ADAMTS6: variants seen among roughly 807,000 people sequenced by gnomAD.
The protein encoded by ADAMTS6 is A disintegrin and metalloproteinase with thrombospondin motifs 6.
In ADAMTS6, 23 loss-of-function variants were observed where a neutral mutation model predicts 144.3. That is an observed-to-expected ratio of 0.16 (90% confidence interval 0.11 to 0.23). ADAMTS6 has a LOEUF of 0.23. Among genes scored for constraint, ADAMTS6 ranks in the 10% least tolerant of loss-of-function variants. The probability of loss-of-function intolerance (pLI) is 1.00; values close to 1 mark genes in which losing one functional copy is unlikely to be tolerated. For missense variants in ADAMTS6, 999 were observed against 1,379.6 expected (o/e 0.72, Z 4.37); for synonymous variants, 444 against 457.5 (o/e 0.97, Z 0.38).
chr5:65,329,511 G>A, intron 8 of ADAMTS6, 28 bp from the exon 9 acceptor site: 6 of 1,581,624 alleles, frequency 3.8e-6, no homozygotes, highest in Non-Finnish European at 5.2e-6. Context: ...GACACAAAGG[G>A]TCAAGCCAAG....
chr5:65,170,279 T>C (rs1442465200), intron 24 of ADAMTS6, among the ~76,000 whole-genome samples: 1 of 152,210 alleles, frequency 6.6e-6, no homozygotes, highest in Non-Finnish European at 1.5e-5. Context: ...AAGTTTGCAC[T>C]TCAAGAGTAG....
At chr5:65,439,925 C>T (rs1334167513) in intron 7 of ADAMTS6, among the ~76,000 whole-genome samples, 2 of 152,156 alleles carry the variant, frequency 1.3e-5, no homozygotes, top group African/African-American at 4.8e-5. Flanking sequence ...GTGCTTCAGT[C>T]TCCCAAGTAG....
At chr5:65,329,235 A>G (rs1746472272) in intron 9 of ADAMTS6, 143 bp downstream of exon 9, 1 of 686,392 alleles carries the variant, frequency 1.5e-6, no homozygotes, top group Non-Finnish European at 2.5e-6. Flanking sequence ...ATTTATCCCA[A>G]TACCCACAAT....
intron 9 of ADAMTS6, among the ~76,000 whole-genome samples, chr5:65,328,843 C>A (rs918821587): frequency 6.6e-6 from 1 of 151,614 alleles, no homozygotes; most frequent in Non-Finnish European, 1.5e-5. Flanking sequence ...ACATTAAAAC[C>A]TTCAGGTCCT....
chr5:65,360,741 T>C (rs537854522), intron 7 of ADAMTS6, among the ~76,000 whole-genome samples: 7 of 152,322 alleles, frequency 4.6e-5, no homozygotes, highest in African/African-American at 1.7e-4. Flanking sequence ...TACAAAGCAA[T>C]GTGATCTGAT....
chr5:65,226,334 C>A (rs1757722485), intron 15 of ADAMTS6, 115 bp from the exon 16 acceptor site: 15 of 1,074,824 alleles, frequency 1.4e-5, no homozygotes, highest in Non-Finnish European at 1.9e-5. Context: ...TGCTTATATG[C>A]CTGATTGTGT....
chr5:65,451,368 G>T, intron 7 of ADAMTS6, 107 bp downstream of exon 7: 1 of 1,204,174 alleles, frequency 8.3e-7, no homozygotes, highest in Non-Finnish European at 1.2e-6. Context: ...TTACCATTTT[G>T]CTTTCTCTAT....
intron 7 of ADAMTS6, among the ~76,000 whole-genome samples, chr5:65,402,856 G>A (rs1754052186): frequency 6.6e-6 from 1 of 152,078 alleles, no homozygotes; most frequent in Non-Finnish European, 1.5e-5. Context: ...AAGATGAAAT[G>A]AAAAAACTTC....
At chr5:65,327,946 A>G (rs1392027793) in intron 9 of ADAMTS6, among the ~76,000 whole-genome samples, 1 of 152,178 alleles carries the variant, frequency 6.6e-6, no homozygotes, top group South Asian at 2.1e-4. Flanking sequence ...GTTTGATTGC[A>G]TAAGAGTATG....
chr5:65,374,434 C>G (rs1337698892), intron 7 of ADAMTS6, among the ~76,000 whole-genome samples: 1 of 148,298 alleles, frequency 6.7e-6, no homozygotes, highest in Admixed American at 6.7e-5. Flanking sequence ...AATCAATGTA[C>G]AAAAATCACA....
chr5:65,199,952 A>T (rs762350689), intron 20 of ADAMTS6, among the ~76,000 whole-genome samples: 9 of 152,172 alleles, frequency 5.9e-5, no homozygotes, highest in African/African-American at 2.2e-4. Flanking sequence ...TTTTTTATGA[A>T]GTAAAAATTA....
intron 22 of ADAMTS6, among the ~76,000 whole-genome samples, chr5:65,177,083 G>A (rs1167013214): frequency 6.6e-6 from 1 of 152,054 alleles, no homozygotes; most frequent in African/African-American, 2.4e-5. Context: ...TCATCAAAGG[G>A]TGGAAAGAAG....
At chr5:65,342,939 C>T (rs1232545377) in intron 7 of ADAMTS6, among the ~76,000 whole-genome samples, 2 of 151,572 alleles carry the variant, frequency 1.3e-5, no homozygotes, top group Non-Finnish European at 2.9e-5. Flanking sequence ...GAAGACAATC[C>T]CATTTACAAT....
intron 7 of ADAMTS6, among the ~76,000 whole-genome samples, chr5:65,360,415 A>G (rs1749720214): frequency 6.6e-6 from 1 of 152,160 alleles, no homozygotes; most frequent in Non-Finnish European, 1.5e-5. Flanking sequence ...ACAGATCCAA[A>G]TCATATCAGT....
chr5:65,223,706 A>G (rs1425897963), intron 18 of ADAMTS6, among the ~76,000 whole-genome samples: 1 of 152,042 alleles, frequency 6.6e-6, no homozygotes, highest in Non-Finnish European at 1.5e-5. Context: ...TAATCCATTC[A>G]TCTGTTGACA....
chr5:65,326,502 T>G (rs1345429175), intron 9 of ADAMTS6, among the ~76,000 whole-genome samples: 1 of 152,150 alleles, frequency 6.6e-6, no homozygotes. Flanking sequence ...TAAATAGATA[T>G]TATATCCCTA....
chr5:65,196,522 C>CAAAAAAAA (rs533444182), intron 21 of ADAMTS6, among the ~76,000 whole-genome samples: 590 of 38,030 alleles, frequency 0.016, 117 homozygotes, highest in African/African-American at 0.029. Flanking sequence ...GACTCCGTCT[C>CAAAAAAAA]AAAAAAAAAA....
chr5:65,445,795 G>T (rs1758233237), intron 7 of ADAMTS6, among the ~76,000 whole-genome samples: 1 of 152,174 alleles, frequency 6.6e-6, no homozygotes. Context: ...AACTGAAGAG[G>T]AGGAATATGG....
intron 23 of ADAMTS6, 33 bp downstream of exon 23, chr5:65,172,799 T>C: frequency 2.5e-6 from 4 of 1,600,246 alleles, no homozygotes; most frequent in Non-Finnish European, 2.6e-6. Context: ...CAAGGTGCTA[T>C]TTCAGCAGGA....
Sources: gnomAD v4.1 joint callset for allele counts (sites outside exome capture counted in the v4.1 genomes callset) on GRCh38, gnomAD v4.1.1 for gene constraint, MANE v1.5 for transcripts, NCBI Gene and HGNC (gene_info 2026-07-23, HGNC 2026-07-21) for gene names.